The following CASK variants were observed in gnomAD, a reference collection of about 807,000 sequenced individuals.
CASK encodes peripheral plasma membrane protein CASK.
A neutral mutation model predicts 82.9 loss-of-function variants in CASK; 4 were observed. The ratio of observed to expected loss-of-function variants is 0.05; its 90% CI spans 0.02 to 0.11. CASK has a LOEUF of 0.11. Among genes scored for constraint, CASK ranks in the 10% least tolerant of loss-of-function variants. CASK has a pLI of 1.00. For missense variants in CASK, 358 were observed against 720.9 expected (o/e 0.50, Z 5.76); for synonymous variants, 259 against 253.5 (o/e 1.02, Z -0.20).
intron 8 of CASK, among the ~76,000 whole-genome samples, chrX:41,644,871 T>C (rs2066728696): frequency 9.0e-6 from 1 of 111,568 alleles, no homozygotes; most frequent in African/African-American, 3.3e-5. Flanking sequence ...AGGAAATTCT[T>C]GCCTAATAAA....
intron 1 of CASK, among the ~76,000 whole-genome samples, chrX:41,904,083 T>C (rs1254277461): frequency 1.8e-5 from 2 of 111,864 alleles, no homozygotes; most frequent in Admixed American, 1.9e-4. Context: ...ACTAATCTAG[T>C]GTCTATATCA....
At chrX:41,680,454 C>T in intron 5 of CASK, among the ~76,000 whole-genome samples, 1 of 108,757 alleles carries the variant, frequency 9.2e-6, no homozygotes, top group South Asian at 4.0e-4. Context: ...TGCACTCCAG[C>T]CTGGCGACAA....
chrX:41,878,768 G>A (rs2071884482), intron 1 of CASK, among the ~76,000 whole-genome samples: 1 of 110,699 alleles, frequency 9.0e-6, no homozygotes, highest in Non-Finnish European at 1.9e-5. Context: ...GGTCGGGGGC[G>A]TGAGGGATAA....
chrX:41,620,612 T>C (rs189664053), intron 11 of CASK, among the ~76,000 whole-genome samples: 4 of 112,326 alleles, frequency 3.6e-5, no homozygotes, highest in Non-Finnish European at 5.6e-5. Context: ...CTGTCATCAC[T>C]TCAAAAAAGT....
At chrX:41,617,827 T>C (rs999183005) in intron 11 of CASK, among the ~76,000 whole-genome samples, 4 of 112,597 alleles carry the variant, frequency 3.6e-5, no homozygotes, top group Non-Finnish European at 7.5e-5. Context: ...ATGTTACTAG[T>C]TTTCATTTTG....
intron 1 of CASK, among the ~76,000 whole-genome samples, chrX:41,921,146 T>C (rs1320117939): frequency 8.9e-6 from 1 of 112,525 alleles, no homozygotes; most frequent in Non-Finnish European, 1.9e-5. Flanking sequence ...AATTTAAATT[T>C]AGAAAAAGGT....
chrX:41,875,548 T>G (rs1273679119), intron 1 of CASK, among the ~76,000 whole-genome samples: 1 of 110,951 alleles, frequency 9.0e-6, no homozygotes. Context: ...TTGAAGAAAG[T>G]GATGTTAAGA....
At chrX:41,815,088 G>T (rs994015142) in intron 2 of CASK, among the ~76,000 whole-genome samples, 9 of 111,159 alleles carry the variant, frequency 8.1e-5, no homozygotes, top group Non-Finnish European at 1.3e-4. Context: ...ATGTTCAGGA[G>T]AGGGTACTGA....
At chrX:41,646,372 AT>A (rs1047129934) in intron 8 of CASK, among the ~76,000 whole-genome samples, 2 of 111,247 alleles carry the variant, frequency 1.8e-5, no homozygotes, top group African/African-American at 6.5e-5. Context: ...TTAAAAAACA[AT>A]TGCTCCTCTG....
intron 3 of CASK, among the ~76,000 whole-genome samples, chrX:41,760,485 G>T (rs1005046920): frequency 9.0e-6 from 1 of 111,657 alleles, no homozygotes; most frequent in Non-Finnish European, 1.9e-5. Flanking sequence ...ACTTACGGGG[G>T]TTATCGAGAG....
intron 5 of CASK, among the ~76,000 whole-genome samples, chrX:41,678,608 C>G (rs915613298): frequency 2.7e-5 from 3 of 111,273 alleles, no homozygotes; most frequent in African/African-American, 9.8e-5. Flanking sequence ...CAGGTGTTGT[C>G]TGCCTGACCC....
chrX:41,586,729 A>G, intron 14 of CASK, 178 bp downstream of exon 14: 2 of 427,053 alleles, frequency 4.7e-6, no homozygotes, highest in Non-Finnish European at 8.2e-6. Context: ...CAGTTGTGAC[A>G]CAAAGTAAAC....
intron 9 of CASK, among the ~76,000 whole-genome samples, chrX:41,633,509 T>C (rs2066507061): frequency 9.0e-6 from 1 of 110,927 alleles, no homozygotes. Context: ...TGTATCCTAA[T>C]ATTCAGTTTG....
chrX:41,685,640 C>A (rs1029864634), intron 5 of CASK, among the ~76,000 whole-genome samples: 1 of 111,044 alleles, frequency 9.0e-6, no homozygotes, highest in Non-Finnish European at 1.9e-5. Context: ...TGCCACCACA[C>A]CCGGCTAATT....
chrX:41,795,153 A>G (rs1264106372), intron 2 of CASK, among the ~76,000 whole-genome samples: 1 of 112,652 alleles, frequency 8.9e-6, no homozygotes, highest in East Asian at 2.8e-4. Context: ...CCTTTTGTCA[A>G]CAAAGTCTCA....
chrX:41,786,531 G>A (rs1325087139), intron 3 of CASK, among the ~76,000 whole-genome samples: 4 of 109,392 alleles, frequency 3.7e-5, no homozygotes, highest in South Asian at 4.0e-4. Context: ...CACCACTCCC[G>A]GCCTGATTAC....
chrX:41,908,242 G>A lies in CASK; in HGVS notation c.59+14688C>T, dbSNP rs901735970. Among the ~76,000 whole-genome samples the A allele has an allele frequency of 7.1e-5, 8 of 112,196 alleles. No homozygotes were observed. In the East Asian group the frequency reaches 1.7e-3, roughly 24 times the overall value. ...CAAAAATTAGAAAAATTAGCCAGGC[G>A]TGGTGGCCTGTAATCCCAGCTACTC... On this transcript the variant is annotated intron_variant, in intron 1 of 26. Coordinates refer to ENST00000378163, the MANE Select transcript of CASK (RefSeq NM_001367721.1).
chrX:41,872,007 G>A (rs1195567404), intron 1 of CASK, among the ~76,000 whole-genome samples: 3 of 112,319 alleles, frequency 2.7e-5, no homozygotes, highest in African/African-American at 9.7e-5. Context: ...CTTAGATCAG[G>A]GGTCAGCAAA....
chrX:41,686,929 G>A (rs1170785018), intron 5 of CASK, among the ~76,000 whole-genome samples: 1 of 111,760 alleles, frequency 8.9e-6, no homozygotes, highest in Non-Finnish European at 1.9e-5. Flanking sequence ...AGGACATATC[G>A]AAAATGAGCT....
Sources: allele counts gnomAD v4.1 joint callset (sites outside exome capture counted in the v4.1 genomes callset), GRCh38; gene constraint gnomAD v4.1.1; transcripts MANE v1.5; gene names NCBI Gene and HGNC (gene_info 2026-07-23, HGNC 2026-07-21).